Variants in CPED1 observed in about 807,000 individuals in gnomAD.
The protein encoded by CPED1 is cadherin like and PC-esterase domain containing 1.
CPED1 carries 114 observed loss-of-function variants against 128.2 expected under a neutral mutation model. That is an observed-to-expected ratio of 0.89 (90% CI 0.76 to 1.04). The LOEUF is 1.04. CPED1 is among the 50% of genes least tolerant of loss of function. The pLI is 0.00. For missense variants in CPED1, 1,211 were observed against 1,207.1 expected, an observed-to-expected ratio of 1.00 and a Z score of -0.05; for synonymous variants, 462 against 426.7, an observed-to-expected ratio of 1.08 and a Z score of -1.02.
intron 7 of CPED1, among the ~76,000 whole-genome samples, chr7:121,101,622 T>C (rs1025729828): frequency 1.3e-5 from 2 of 152,146 alleles, no homozygotes; most frequent in African/African-American, 4.8e-5. Context: ...CTGGGAAATG[T>C]ATAAAGAAAA....
chr7:121,172,923 G>T (rs1045853356), intron 16 of CPED1, among the ~76,000 whole-genome samples: 1 of 152,140 alleles, frequency 6.6e-6, no homozygotes, highest in Non-Finnish European at 1.5e-5. Context: ...GTGATTAATA[G>T]CTTCAAAGTT....
At chr7:121,133,173 T>C (rs10260858) in intron 12 of CPED1, among the ~76,000 whole-genome samples, 83,171 of 151,916 alleles carry the variant, frequency 0.55, 23,828 homozygotes, top group African/African-American at 0.67. Flanking sequence ...GGCCTGCAGA[T>C]GATCCTGCCT....
chr7:121,153,442 T>C (rs1303598247), intron 16 of CPED1, among the ~76,000 whole-genome samples: 1 of 152,258 alleles, frequency 6.6e-6, no homozygotes, highest in Non-Finnish European at 1.5e-5. Context: ...TGAGAACATT[T>C]AGATGCATTG....
At chr7:121,141,135 T>C in intron 15 of CPED1, 122 bp downstream of exon 15, 2 of 668,180 alleles carry the variant, frequency 3.0e-6, no homozygotes, top group South Asian at 6.6e-5. Flanking sequence ...TGCCAGGATG[T>C]GAACTTTCCC....
Position 121,211,747 on chromosome 7 carries a change from TGGA to T in CPED1, c.2056-24965_2056-24963del, listed in dbSNP as rs1342152250. ...CATCAGCTTTTTAAAGTGAAAACTG[TGGA>T]GACTTAGAAATATGTGATCTATAAG... On this transcript the variant is annotated intron_variant, in intron 16 of 22. Coordinates refer to ENST00000310396, the MANE Select transcript of CPED1 (RefSeq NM_024913.5). Among the ~76,000 whole-genome samples, 99 of 152,150 alleles carry T rather than the reference TGGA, an allele frequency of 6.5e-4. 1 individual carries two copies. Among genetic ancestry groups the T allele is most frequent in the African/African-American group, 2.4e-3 (98 of 41,532 alleles).
intron 16 of CPED1, among the ~76,000 whole-genome samples, chr7:121,201,201 A>T (rs2116563946): frequency 6.6e-6 from 1 of 152,190 alleles, no homozygotes; most frequent in Non-Finnish European, 1.5e-5. Flanking sequence ...CACCCCAAGA[A>T]AGACAAAGTT....
intron 16 of CPED1, among the ~76,000 whole-genome samples, chr7:121,172,479 G>A (rs528690850): frequency 1.3e-5 from 2 of 151,414 alleles, no homozygotes; most frequent in Non-Finnish European, 2.9e-5. Context: ...ATTATAGATT[G>A]CTGCTTTCTT....
chr7:121,252,629 C>T (rs1449545622), intron 18 of CPED1, among the ~76,000 whole-genome samples: 1 of 152,042 alleles, frequency 6.6e-6, no homozygotes, highest in African/African-American at 2.4e-5. Context: ...CAGAAAAAAA[C>T]AACCCGATCA....
intron 16 of CPED1, among the ~76,000 whole-genome samples, chr7:121,150,595 A>G (rs1418818447): frequency 1.3e-5 from 2 of 151,952 alleles, no homozygotes; most frequent in Non-Finnish European, 2.9e-5. Context: ...TCAATTGGTA[A>G]TTTTGTTTTA....
chr7:121,034,724 C>T (rs893706810), intron 3 of CPED1, among the ~76,000 whole-genome samples: 1 of 152,052 alleles, frequency 6.6e-6, no homozygotes, highest in Non-Finnish European at 1.5e-5. Context: ...CTTGTATATA[C>T]CAATCATCTA....
At chr7:121,132,262 G>T (rs1020590709) in intron 12 of CPED1, among the ~76,000 whole-genome samples, 1 of 152,042 alleles carries the variant, frequency 6.6e-6, no homozygotes, top group African/African-American at 2.4e-5. Context: ...TAGAAATAGA[G>T]TTGGAACTAG....
chr7:121,204,846 G>A (rs1237776472), intron 16 of CPED1, among the ~76,000 whole-genome samples: 1 of 152,118 alleles, frequency 6.6e-6, no homozygotes, highest in Non-Finnish European at 1.5e-5. Flanking sequence ...TGTGCAACAT[G>A]TGTTGAAGCT....
At chr7:121,156,666 G>A (rs925905501) in intron 16 of CPED1, among the ~76,000 whole-genome samples, 2 of 150,760 alleles carry the variant, frequency 1.3e-5, no homozygotes, top group Admixed American at 6.7e-5. Flanking sequence ...ATAGAGTGAT[G>A]GTTACCAGAA....
intron 3 of CPED1, among the ~76,000 whole-genome samples, chr7:121,022,054 T>C (rs1792453535): frequency 6.6e-6 from 1 of 151,764 alleles, no homozygotes; most frequent in Non-Finnish European, 1.5e-5. Context: ...AAATCTCACA[T>C]TAAAAAAAAA....
chr7:121,072,362 T>C (rs1369443451), intron 5 of CPED1, among the ~76,000 whole-genome samples: 1 of 152,094 alleles, frequency 6.6e-6, no homozygotes, highest in Non-Finnish European at 1.5e-5. Flanking sequence ...CTCACTCAAT[T>C]ACCCTCTAAA....
rs149050166 is a variant in CPED1 at position 121,249,786 on chromosome 7, A to G, written c.2310+5448A>G. On this transcript the variant is annotated intron_variant, in intron 18 of 22. Coordinates refer to ENST00000310396, the MANE Select transcript of CPED1 (RefSeq NM_024913.5). Reference sequence around the variant, plus strand: ...GAAGAACTAACTATCCTAAATATATATGCACCCAATACAGGAGTACCCAGA... The same window carrying G: ...GAAGAACTAACTATCCTAAATATATGTGCACCCAATACAGGAGTACCCAGA... Among the ~76,000 whole-genome samples the G allele has an allele frequency of 6.0e-3, 909 of 152,286 alleles. 2 individuals carry two copies. The highest frequency in any genetic ancestry group is 8.8e-3 in the Non-Finnish European group (601 of 68,018).
At chr7:121,284,149 C>A (rs550637044) in intron 22 of CPED1, among the ~76,000 whole-genome samples, 1 of 152,254 alleles carries the variant, frequency 6.6e-6, no homozygotes, top group East Asian at 1.9e-4. Flanking sequence ...CTTTACATGG[C>A]GGCTGCAAAG....
chr7:121,226,239 C>G (rs187724223), intron 16 of CPED1, among the ~76,000 whole-genome samples: 2 of 152,170 alleles, frequency 1.3e-5, no homozygotes, highest in Admixed American at 1.3e-4. Context: ...AATCAGGTCC[C>G]TTAGCTGCAG....
chr7:121,013,691 A>C (rs1792219581), intron 2 of CPED1, among the ~76,000 whole-genome samples: 1 of 152,230 alleles, frequency 6.6e-6, no homozygotes, highest in African/African-American at 2.4e-5. Context: ...TGAATCCAGC[A>C]GTTTAGATGC....
Sources: allele counts gnomAD v4.1 joint callset (sites outside exome capture counted in the v4.1 genomes callset), GRCh38; gene constraint gnomAD v4.1.1; transcripts MANE v1.5; gene names NCBI Gene and HGNC (gene_info 2026-07-23, HGNC 2026-07-21).